Variants in SUGCT observed in about 807,000 individuals in gnomAD.
SUGCT encodes the protein succinyl-CoA:glutarate CoA-transferase.
Under a neutral mutation model 55.0 loss-of-function variants are expected in SUGCT, and 41 were observed. That is an observed-to-expected ratio of 0.74 (90% confidence interval 0.58 to 0.97). The LOEUF (loss-of-function observed/expected upper bound fraction) is 0.97. Among genes scored for constraint, SUGCT ranks in the 50% least tolerant of loss-of-function variants. SUGCT has a pLI of 0.00. For synonymous variants in SUGCT, 187 were observed against 200.4 expected (o/e 0.93, Z 0.56); for missense variants, 568 against 547.8 (o/e 1.04, Z -0.37).
chr7:40,439,571 A>C (rs544178569), intron 9 of SUGCT, among the ~76,000 whole-genome samples: 2 of 152,192 alleles, frequency 1.3e-5, no homozygotes, highest in Non-Finnish European at 2.9e-5. Flanking sequence ...TCAACATGTC[A>C]GTATTCCAGT....
the SUGCT span, among the ~76,000 whole-genome samples, chr7:40,985,419 G>A: frequency 1.3e-5 from 2 of 152,136 alleles, no homozygotes. Context: ...GAAATGACAC[G>A]ACTTGAGTGC....
At chr7:41,022,035 T>C in the SUGCT span, among the ~76,000 whole-genome samples, 1 of 152,076 alleles carries the variant, frequency 6.6e-6, no homozygotes. Context: ...AGAGCCAATA[T>C]TCAAAAAGAT....
chr7:40,584,157 C>T (rs557142895), intron 12 of SUGCT, among the ~76,000 whole-genome samples: 10 of 152,138 alleles, frequency 6.6e-5, no homozygotes, highest in Non-Finnish European at 1.2e-4. Context: ...TGTTTCTTCT[C>T]ATTGATGTGG....
chr7:40,151,077 T>G (rs1429855727), intron 1 of SUGCT, among the ~76,000 whole-genome samples: 3 of 151,794 alleles, frequency 2.0e-5, no homozygotes, highest in African/African-American at 7.3e-5. Flanking sequence ...TCTACTAAAA[T>G]ACACACAAAA....
At chr7:40,225,190 T>C (rs1788266768) in intron 6 of SUGCT, among the ~76,000 whole-genome samples, 1 of 152,158 alleles carries the variant, frequency 6.6e-6, no homozygotes, top group Non-Finnish European at 1.5e-5. Flanking sequence ...AGTGTAAACA[T>C]TTTTCTTTTT....
intron 11 of SUGCT, among the ~76,000 whole-genome samples, chr7:40,480,311 A>T (rs1790958887): frequency 6.6e-6 from 1 of 152,234 alleles, no homozygotes. Context: ...CATCCCTGTG[A>T]TGATCATTTC....
chr7:40,563,624 G>A (rs1467646754), intron 12 of SUGCT, among the ~76,000 whole-genome samples: 1 of 151,904 alleles, frequency 6.6e-6, no homozygotes, highest in Non-Finnish European at 1.5e-5. Context: ...CGAGGTGGGA[G>A]GATCACTTGA....
the SUGCT span, among the ~76,000 whole-genome samples, chr7:41,020,450 A>G: frequency 6.6e-6 from 1 of 152,252 alleles, no homozygotes; most frequent in South Asian, 2.1e-4. Flanking sequence ...GAAAAGTTTC[A>G]TTATTAAAAC....
intron 9 of SUGCT, among the ~76,000 whole-genome samples, chr7:40,383,577 A>T (rs1583565468): frequency 6.6e-6 from 1 of 152,222 alleles, no homozygotes; most frequent in South Asian, 2.1e-4. Context: ...CTTCCCATCT[A>T]TTGGGAAATA....
chr7:40,141,191 T>G (rs934111801), intron 1 of SUGCT, among the ~76,000 whole-genome samples: 1 of 152,062 alleles, frequency 6.6e-6, no homozygotes, highest in Non-Finnish European at 1.5e-5. Flanking sequence ...TTTCCTTTTT[T>G]TTTTTTGAGA....
At position 40,285,517 on chromosome 7, in the gene SUGCT, G is replaced by T. The variant is rs770160286; in HGVS notation, c.720+10861G>T. Among the ~76,000 whole-genome samples the T allele has an allele frequency of 7.7e-4, 115 of 149,834 alleles. No individual in the cohort carries two copies. In the Middle Eastern group the frequency reaches 0.01, roughly 13 times the overall value. On this transcript the variant is annotated intron_variant, in intron 8 of 13. Transcript: ENST00000335693. The stretch of plus-strand genomic sequence containing the variant: ...CGGGGGGGGGCAAGAATTTTATTTA[G>T]AATAAAATGTTGCCATCGTGTCCTT...
chr7:40,809,644 T>C (rs1483845786), intron 13 of SUGCT, among the ~76,000 whole-genome samples: 1 of 152,148 alleles, frequency 6.6e-6, no homozygotes, highest in African/African-American at 2.4e-5. Flanking sequence ...AACTTGTATT[T>C]TAGATTCAGG....
Position 40,295,851 on chromosome 7 carries a change from C to T in SUGCT, c.721-20909C>T, listed in dbSNP as rs114705614. Among the ~76,000 whole-genome samples, 608 of 152,286 alleles carry T rather than the reference C, an allele frequency of 4.0e-3. 5 individuals carry two copies. The highest frequency in any genetic ancestry group is 0.014 in the African/African-American group (587 of 41,558). On this transcript the variant is annotated intron_variant, in intron 8 of 13. Coordinates refer to ENST00000335693, the MANE Select transcript of SUGCT (RefSeq NM_001193313.2). ...CTTCTCCTTACACCCCCTTATCTCT[C>T]CTCTACCATATGCTTAATTGCTGCA...
the SUGCT span, among the ~76,000 whole-genome samples, chr7:40,978,492 C>A: frequency 2.6e-5 from 4 of 152,002 alleles, no homozygotes; most frequent in Non-Finnish European, 5.9e-5. Context: ...AGATGTGGTC[C>A]CCGTGCTCAT....
intron 12 of SUGCT, among the ~76,000 whole-genome samples, chr7:40,640,898 A>ACC (rs1800241076): frequency 6.6e-6 from 1 of 152,240 alleles, no homozygotes; most frequent in Admixed American, 6.5e-5. Context: ...GGGGACTTGG[A>ACC]CCTGGCTGGA....
chr7:40,548,633 C>A (rs1795139660), intron 12 of SUGCT, among the ~76,000 whole-genome samples: 1 of 152,140 alleles, frequency 6.6e-6, no homozygotes, highest in Non-Finnish European at 1.5e-5. Flanking sequence ...CCCCCACCCC[C>A]AGAGTTGTAC....
Position 40,406,811 on chromosome 7 carries a change from A to G in SUGCT, c.817-42476A>G, listed in dbSNP as rs146536808. Among the ~76,000 whole-genome samples, 167 of 152,326 alleles carry G rather than the reference A, an allele frequency of 1.1e-3. No homozygotes were observed. The Middle Eastern group carries it at 0.02, about 19-fold the overall frequency. ...AAAAGAGTAAATAATATTGCAAAGTATACTGGTTTTTTAGGTGCTCATTCA... is the reference window on the plus strand; with the variant it reads ...AAAAGAGTAAATAATATTGCAAAGTGTACTGGTTTTTTAGGTGCTCATTCA... On this transcript the variant is annotated intron_variant, in intron 9 of 13. Transcript: ENST00000335693.
intron 12 of SUGCT, among the ~76,000 whole-genome samples, chr7:40,731,197 A>G (rs1358280976): frequency 6.6e-6 from 1 of 152,212 alleles, no homozygotes; most frequent in African/African-American, 2.4e-5. Flanking sequence ...AAGGGTGTTT[A>G]GGTGAAAGTA....
chr7:40,495,110 C>G (rs1435683580), intron 11 of SUGCT, among the ~76,000 whole-genome samples: 1 of 151,950 alleles, frequency 6.6e-6, no homozygotes, highest in East Asian at 1.9e-4. Context: ...CAGGGTTTCA[C>G]CATTTTGGTC....
Sources: allele counts gnomAD v4.1 joint callset (sites outside exome capture counted in the v4.1 genomes callset), GRCh38; gene constraint gnomAD v4.1.1; transcripts MANE v1.5; gene names NCBI Gene and HGNC (gene_info 2026-07-23, HGNC 2026-07-21).